MDGA2: variants seen among roughly 807,000 people sequenced by gnomAD.
MDGA2 encodes MAM domain containing glycosylphosphatidylinositol anchor 2.
MDGA2 carries 40 observed loss-of-function variants against 117.8 expected under a neutral mutation model. The observed-to-expected ratio is 0.34, with a 90% CI of 0.26 to 0.44. MDGA2 has a LOEUF of 0.44. MDGA2 is among the 20% of genes least tolerant of loss of function. The pLI, the probability that MDGA2 is intolerant of heterozygous loss-of-function variation, is 1.00. For synonymous variants in MDGA2, 452 were observed against 439.0 expected, an observed-to-expected ratio of 1.03 and a Z score of -0.37; for missense variants, 1,123 against 1,250.6, an observed-to-expected ratio of 0.90 and a Z score of 1.54.
chr14:47,447,572 C>A (rs1053319464), intron 1 of MDGA2, among the ~76,000 whole-genome samples: 1 of 152,112 alleles, frequency 6.6e-6, no homozygotes, highest in Non-Finnish European at 1.5e-5. Context: ...TTTATGATGG[C>A]AATTCTTAAC....
chr14:46,843,007 T>C (rs1049961146), intron 16 of MDGA2, among the ~76,000 whole-genome samples: 15 of 152,302 alleles, frequency 9.8e-5, no homozygotes, highest in African/African-American at 2.9e-4. Context: ...TGATGCCAAA[T>C]AGATTATTTG....
At chr14:47,069,143 G>C (rs74812652) in intron 6 of MDGA2, among the ~76,000 whole-genome samples, 3,010 of 152,264 alleles carry the variant, frequency 0.02, 104 homozygotes, top group African/African-American at 0.068. Flanking sequence ...TGAAATACCA[G>C]TTGCACTCAC....
At chr14:47,343,186 C>T (rs73251881) in intron 1 of MDGA2, 35,655 of 1,136,872 alleles carry the variant, frequency 0.031, 632 homozygotes, top group African/African-American at 0.075. Flanking sequence ...CTGGTACAGG[C>T]TCAAGCTATT....
chr14:47,284,312 G>T (rs558469534), intron 2 of MDGA2, among the ~76,000 whole-genome samples: 1 of 152,214 alleles, frequency 6.6e-6, no homozygotes, highest in South Asian at 2.1e-4. Context: ...GTGACTGAAT[G>T]TATTAATATT....
Position 46,868,070 on chromosome 14 carries a change from A to G in MDGA2, c.2752+5363T>C, listed in dbSNP as rs1881848409. On this transcript the variant is annotated intron_variant, in intron 14 of 16. Transcript: ENST00000399232. ...CTAGTTTGGATCATTCTTTAAATCT[A>G]TTGTGTAAATGTTGTTTCCGAGAAT... Among the ~76,000 whole-genome samples the G allele has an allele frequency of 2.0e-5, 3 of 151,922 alleles. No individual in the cohort carries two copies. The South Asian group carries it at 6.2e-4, about 32-fold the overall frequency.
At chr14:47,049,779 AT>A (rs1191304427) in intron 7 of MDGA2, among the ~76,000 whole-genome samples, 1 of 151,904 alleles carries the variant, frequency 6.6e-6, no homozygotes, top group Non-Finnish European at 1.5e-5. Context: ...CTTTTCACAT[AT>A]TTTTGGTCTA....
intron 10 of MDGA2, among the ~76,000 whole-genome samples, chr14:46,898,431 CA>C (rs1259979151): frequency 6.6e-6 from 1 of 151,974 alleles, no homozygotes; most frequent in Non-Finnish European, 1.5e-5. Flanking sequence ...AGCAATGGGA[CA>C]GATAATGGCC....
rs544648269 is a variant in MDGA2 at position 47,511,656 on chromosome 14, T to A, written c.280+162861A>T. ...AACAGGACTTATATTTTCCTGAGTA[T>A]AAAAATTGTTTCGTTCAAGTTATTA... On this transcript the variant is annotated intron_variant, in intron 1 of 16. Transcript: ENST00000399232. Among the ~76,000 whole-genome samples the A allele has an allele frequency of 2.4e-4, 37 of 152,328 alleles. 1 individual carries two copies. The South Asian group carries it at 7.0e-3, about 29-fold the overall frequency.
intron 3 of MDGA2, among the ~76,000 whole-genome samples, chr14:47,161,241 T>A (rs1346567049): frequency 6.6e-6 from 1 of 152,098 alleles, no homozygotes; most frequent in African/African-American, 2.4e-5. Context: ...CATTACTTTT[T>A]AAAAAAATAA....
chr14:47,545,761 A>G (rs8014620), intron 1 of MDGA2, among the ~76,000 whole-genome samples: 35,559 of 152,042 alleles, frequency 0.23, 4,980 homozygotes, highest in South Asian at 0.47. Context: ...AAAAAACAGC[A>G]GCAGTCTCAT....
chr14:46,967,613 A>G (rs991549573), intron 8 of MDGA2, among the ~76,000 whole-genome samples: 4 of 152,144 alleles, frequency 2.6e-5, no homozygotes, highest in East Asian at 3.9e-4. Context: ...ACCTTCATCA[A>G]TCCTTACCCA....
rs7141007 is a variant in MDGA2, at chr14:47,671,245, G to A, written c.280+3272C>T. On this transcript the variant is annotated intron_variant, in intron 1 of 16. Transcript: ENST00000399232. ...AAGCACTATTCCCAGATAAATGACAGTAAGTTCCTAGGTCTATAGCAGAAA... is the reference window on the plus strand; with the variant it reads ...AAGCACTATTCCCAGATAAATGACAATAAGTTCCTAGGTCTATAGCAGAAA... Among the ~76,000 whole-genome samples the A allele has an allele frequency of 4.4e-3, 669 of 152,274 alleles. 9 individuals carry two copies. Among genetic ancestry groups the A allele is most frequent in the African/African-American group, 0.015 (633 of 41,570 alleles).
chr14:47,268,703 C>T (rs1888046302), intron 2 of MDGA2, among the ~76,000 whole-genome samples: 1 of 152,072 alleles, frequency 6.6e-6, no homozygotes, highest in African/African-American at 2.4e-5. Flanking sequence ...AACAAAGATG[C>T]AGTTTGGGTT....
chr14:47,118,187 A>G (rs17118076), intron 5 of MDGA2, among the ~76,000 whole-genome samples: 17,083 of 152,236 alleles, frequency 0.11, 1,101 homozygotes, highest in Admixed American at 0.11. Context: ...AAGCCTAACT[A>G]TTCAAGGAGC....
chr14:47,304,747 G>T (rs1269469818), intron 1 of MDGA2, among the ~76,000 whole-genome samples: 1 of 152,112 alleles, frequency 6.6e-6, no homozygotes, highest in Non-Finnish European at 1.5e-5. Context: ...TAGGCCCTCT[G>T]TCAAGGGTCC....
chr14:47,003,978 A>T (rs2138502472), intron 8 of MDGA2, among the ~76,000 whole-genome samples: 1 of 152,136 alleles, frequency 6.6e-6, no homozygotes. Flanking sequence ...AAAATAAAAC[A>T]ACTTCTGTTG....
At chr14:47,243,013 ACT>A (rs1887112653) in intron 2 of MDGA2, among the ~76,000 whole-genome samples, 5 of 151,636 alleles carry the variant, frequency 3.3e-5, no homozygotes, top group East Asian at 1.9e-4. Flanking sequence ...ACCAGTCGAC[ACT>A]CTGTATCTAG....
At chr14:46,903,589 C>T (rs1277417593) in intron 10 of MDGA2, among the ~76,000 whole-genome samples, 12 of 152,072 alleles carry the variant, frequency 7.9e-5, no homozygotes, top group Admixed American at 7.2e-4. Context: ...TACTATAGAG[C>T]CATTGCTCTA....
At position 47,459,399 on chromosome 14, in the gene MDGA2, C is replaced by T. The variant is rs1215929000; in HGVS notation, c.281-157849G>A. Reference sequence around the variant, plus strand: ...TCTCATATTGTGGTTAGTGTTTAACCATTAGTTTCACTTTTTTTTTTTTCA... The same window carrying T: ...TCTCATATTGTGGTTAGTGTTTAACTATTAGTTTCACTTTTTTTTTTTTCA... On this transcript the variant is annotated intron_variant, in intron 1 of 16. Transcript: ENST00000399232. Among the ~76,000 whole-genome samples the T allele has an allele frequency of 2.8e-5, 4 of 141,896 alleles. No individual in the cohort carries two copies. The South Asian group carries it at 8.9e-4, about 32-fold the overall frequency. The allele number at this position is 141,896 out of a possible 152,430, so 93.1% of individuals were successfully genotyped here. A position where few individuals can be genotyped will look rare whatever the true frequency, so the allele number is the denominator to read the frequency against.
Sources: allele counts gnomAD v4.1 joint callset (sites outside exome capture counted in the v4.1 genomes callset), GRCh38; gene constraint gnomAD v4.1.1; transcripts MANE v1.5; gene names NCBI Gene and HGNC (gene_info 2026-07-23, HGNC 2026-07-21).